Variants in MRPL1 observed in about 807,000 individuals in gnomAD.
MRPL1 encodes large ribosomal subunit protein uL1m.
In MRPL1, 28 loss-of-function variants were observed where a neutral mutation model predicts 38.0. The observed-to-expected ratio is 0.74, with a 90% CI of 0.55 to 1.01. MRPL1 has a LOEUF of 1.01. MRPL1 is among the 50% of genes least tolerant of loss of function. The pLI is 0.00. For synonymous variants in MRPL1, 123 were observed against 126.7 expected, an observed-to-expected ratio of 0.97 and a Z score of 0.20; for missense variants, 358 against 389.8, an observed-to-expected ratio of 0.92 and a Z score of 0.69.
intron 7 of MRPL1, among the ~76,000 whole-genome samples, chr4:77,912,374 A>G (rs1305371029): frequency 6.6e-6 from 1 of 152,186 alleles, no homozygotes; most frequent in East Asian, 1.9e-4. Flanking sequence ...GGTTGAAGGT[A>G]GAAGCTCAAT....
chr4:77,908,021 C>T (rs1736199086), intron 6 of MRPL1, among the ~76,000 whole-genome samples: 1 of 151,744 alleles, frequency 6.6e-6, no homozygotes, highest in Non-Finnish European at 1.5e-5. Flanking sequence ...TCTCAGCCTC[C>T]TGAGTAGCTG....
chr4:77,883,128 A>C (rs1735582307), intron 2 of MRPL1, 114 bp from the exon 3 acceptor site: 1 of 695,994 alleles, frequency 1.4e-6, no homozygotes. Flanking sequence ...TATGCTTTTG[A>C]ATTAAAATAT....
At chr4:77,898,828 A>G (rs1735975108) in intron 6 of MRPL1, among the ~76,000 whole-genome samples, 1 of 146,250 alleles carries the variant, frequency 6.8e-6, no homozygotes, top group Non-Finnish European at 1.5e-5. Flanking sequence ...TTTTTTTATC[A>G]GAATAATTGT....
chr4:77,928,684 T>C (rs1336534357), intron 7 of MRPL1, among the ~76,000 whole-genome samples: 1 of 152,200 alleles, frequency 6.6e-6, no homozygotes, highest in Non-Finnish European at 1.5e-5. Context: ...CCATTCTGTG[T>C]CAGCTCTGTC....
At chr4:77,928,633 G>A (rs769566522) in intron 7 of MRPL1, among the ~76,000 whole-genome samples, 3 of 152,144 alleles carry the variant, frequency 2.0e-5, no homozygotes, top group Non-Finnish European at 4.4e-5. Context: ...CAAGGATATG[G>A]AGCTAAGAAA....
At chr4:77,928,899 C>A (rs1025039795) in intron 7 of MRPL1, among the ~76,000 whole-genome samples, 4 of 152,124 alleles carry the variant, frequency 2.6e-5, no homozygotes, top group African/African-American at 9.7e-5. Flanking sequence ...GTGTGACTCT[C>A]CCCTACTAAC....
intron 2 of MRPL1, among the ~76,000 whole-genome samples, chr4:77,881,576 G>A (rs1454372354): frequency 6.6e-6 from 1 of 151,642 alleles, no homozygotes; most frequent in Non-Finnish European, 1.5e-5. Context: ...TAAGTAGCTG[G>A]GACCACAGGT....
chr4:77,908,816 A>G (rs903540702), intron 6 of MRPL1, among the ~76,000 whole-genome samples: 1 of 152,210 alleles, frequency 6.6e-6, no homozygotes, highest in South Asian at 2.1e-4. Flanking sequence ...CTTAGACTCA[A>G]TGGGCGATGG....
At chr4:77,897,264 G>C (rs1479045294) in intron 6 of MRPL1, among the ~76,000 whole-genome samples, 1 of 152,060 alleles carries the variant, frequency 6.6e-6, no homozygotes, top group East Asian at 1.9e-4. Context: ...ATGTTGGCCA[G>C]GCTGGTCTCG....
chr4:77,885,242 T>G lies in MRPL1; in HGVS notation c.403-14T>G. 2 of 1,588,372 alleles carry G rather than the reference T, an allele frequency of 1.3e-6. No individual in the cohort carries two copies. The highest frequency in any genetic ancestry group is 1.7e-4 in the Middle Eastern group (1 of 6,026). On this transcript the variant is annotated splice_polypyrimidine_tract_variant and intron_variant, in intron 3 of 8. Transcript: ENST00000315567. ...TTAACTTTACGTAATTATTTTTCCTTGTCATGTGTTTAGAAAAACGTGGAG... is the reference window on the plus strand; with the variant it reads ...TTAACTTTACGTAATTATTTTTCCTGGTCATGTGTTTAGAAAAACGTGGAG...
chr4:77,919,588 T>C (rs1736515927), intron 7 of MRPL1, among the ~76,000 whole-genome samples: 1 of 152,142 alleles, frequency 6.6e-6, no homozygotes, highest in South Asian at 2.1e-4. Flanking sequence ...AGAATGGAAC[T>C]TTCCACTAGG....
At chr4:77,950,258 G>T (rs1453247284) in intron 8 of MRPL1, among the ~76,000 whole-genome samples, 1 of 152,120 alleles carries the variant, frequency 6.6e-6, no homozygotes, top group Non-Finnish European at 1.5e-5. Flanking sequence ...ATTGGCACTA[G>T]CAATTAGTTT....
chr4:77,920,917 C>T (rs1215252099), intron 7 of MRPL1, among the ~76,000 whole-genome samples: 1 of 152,110 alleles, frequency 6.6e-6, no homozygotes, highest in Middle Eastern at 3.2e-3. Flanking sequence ...GCGCCTGGCA[C>T]CACATCCAGC....
chr4:77,949,255 T>C (rs1355605092), intron 7 of MRPL1, among the ~76,000 whole-genome samples: 1 of 152,234 alleles, frequency 6.6e-6, no homozygotes, highest in African/African-American at 2.4e-5. Context: ...ACTCATTCAC[T>C]GTATATTTAC....
rs546353763 is a variant in MRPL1 at position 77,950,491 on chromosome 4, A to G, written c.859+613A>G. Reference sequence around the variant, plus strand: ...TTTCACTTGTGGCTGCTTGAAGCCAAGCAAGGGTCCATTATACTCAATTGA... The same window carrying G: ...TTTCACTTGTGGCTGCTTGAAGCCAGGCAAGGGTCCATTATACTCAATTGA... On this transcript the variant is annotated intron_variant, in intron 8 of 8. Transcript: ENST00000315567. Among the ~76,000 whole-genome samples, 115 of 152,302 alleles carry G rather than the reference A, an allele frequency of 7.6e-4. 2 individuals are homozygous for G. Among genetic ancestry groups the G allele is most frequent in the South Asian group, 2.1e-4 (1 of 4,828 alleles).
At chr4:77,934,932 A>G (rs1019256740) in intron 7 of MRPL1, among the ~76,000 whole-genome samples, 4 of 152,220 alleles carry the variant, frequency 2.6e-5, no homozygotes, top group African/African-American at 9.6e-5. Context: ...TCACAAAAGG[A>G]CAAATATTGT....
At chr4:77,907,545 A>T (rs1400409438) in intron 6 of MRPL1, among the ~76,000 whole-genome samples, 1 of 91,148 alleles carries the variant, frequency 1.1e-5, no homozygotes, top group Non-Finnish European at 2.0e-5. Context: ...TCTCTCTCTC[A>T]GCCTCCCTCC....
chr4:77,869,160 G>A lies in MRPL1; in HGVS notation c.32-2584G>A, dbSNP rs112359855. 5.3e-3 allele frequency among the ~76,000 whole-genome samples: 814 copies of A among 152,250 alleles called. 7 individuals are homozygous for A. The highest frequency in any genetic ancestry group is 0.018 in the African/African-American group (765 of 41,538). ...GAGGATTATAGAGTCAGGTGAGAAGGCAGTATAGGACTGACCTCAAGGGAA... is the reference window on the plus strand; with the variant it reads ...GAGGATTATAGAGTCAGGTGAGAAGACAGTATAGGACTGACCTCAAGGGAA... On this transcript the variant is annotated intron_variant, in intron 1 of 8. Transcript: ENST00000315567.
chr4:77,902,710 GATA>G (rs1373325896), intron 6 of MRPL1, among the ~76,000 whole-genome samples: 1 of 151,262 alleles, frequency 6.6e-6, no homozygotes, highest in Admixed American at 6.6e-5. Context: ...AAATTTAAAT[GATA>G]ATAAGGAAAT....
Sources: allele counts gnomAD v4.1 joint callset (sites outside exome capture counted in the v4.1 genomes callset), GRCh38; gene constraint gnomAD v4.1.1; transcripts MANE v1.5; gene names NCBI Gene and HGNC (gene_info 2026-07-23, HGNC 2026-07-21).